Variants in MYO3B observed in about 807,000 individuals in gnomAD.
MYO3B encodes the protein myosin-IIIb.
A neutral mutation model predicts 174.6 loss-of-function variants in MYO3B; 156 were observed. That is an observed-to-expected ratio of 0.89 (90% CI 0.78 to 1.02). The LOEUF (loss-of-function observed/expected upper bound fraction) is 1.02, where lower values mean the gene tolerates loss of function less well. MYO3B is among the 50% of genes least tolerant of loss of function. The pLI, the probability that MYO3B is intolerant of heterozygous loss-of-function variation, is 0.00. For synonymous variants in MYO3B, 563 were observed against 569.1 expected (o/e 0.99, Z 0.15); for missense variants, 1,632 against 1,639.4 (o/e 1.00, Z 0.08).
intron 7 of MYO3B, among the ~76,000 whole-genome samples, chr2:170,255,213 G>C (rs1223329553): frequency 6.6e-6 from 1 of 152,188 alleles, no homozygotes; most frequent in African/African-American, 2.4e-5. Context: ...TGCTAAGACA[G>C]GTGGGAGTAG....
chr2:170,561,700 T>C (rs1008510759), intron 32 of MYO3B, among the ~76,000 whole-genome samples: 4 of 152,226 alleles, frequency 2.6e-5, no homozygotes, highest in African/African-American at 9.6e-5. Flanking sequence ...TCTTCCCATG[T>C]GGTAGTTCTT....
intron 32 of MYO3B, among the ~76,000 whole-genome samples, chr2:170,626,530 GC>G (rs1696449350): frequency 6.6e-6 from 1 of 152,130 alleles, no homozygotes; most frequent in Non-Finnish European, 1.5e-5. Context: ...GTCAATTGGA[GC>G]ATTTAGCCCA....
intron 7 of MYO3B, among the ~76,000 whole-genome samples, chr2:170,260,832 G>A (rs548757411): frequency 2.6e-5 from 4 of 152,236 alleles, no homozygotes; most frequent in Admixed American, 2.0e-4. Flanking sequence ...ACTCTAGTGG[G>A]TAATTATACT....
chr2:170,372,875 G>A (rs186286768), intron 9 of MYO3B, among the ~76,000 whole-genome samples: 26 of 152,272 alleles, frequency 1.7e-4, no homozygotes, highest in Middle Eastern at 3.4e-3. Flanking sequence ...TGAGCAAAGG[G>A]CAAGGCACAA....
chr2:170,490,319 C>T (rs1426026607), intron 25 of MYO3B, among the ~76,000 whole-genome samples: 1 of 152,178 alleles, frequency 6.6e-6, no homozygotes, highest in Non-Finnish European at 1.5e-5. Flanking sequence ...TGAGCCACCG[C>T]ACCCGGCCTC....
intron 7 of MYO3B, among the ~76,000 whole-genome samples, chr2:170,260,050 A>T (rs550818664): frequency 1.9e-4 from 29 of 152,214 alleles, no homozygotes; most frequent in Non-Finnish European, 4.0e-4. Flanking sequence ...AATGGCTATT[A>T]TTAAAAAGTC....
intron 7 of MYO3B, among the ~76,000 whole-genome samples, chr2:170,306,680 C>T (rs936517495): frequency 5.9e-5 from 9 of 151,996 alleles, no homozygotes; most frequent in Admixed American, 2.0e-4. Flanking sequence ...TGTCCATCCC[C>T]ACGTCAGACT....
chr2:170,298,623 G>A (rs376876881), intron 7 of MYO3B, among the ~76,000 whole-genome samples: 1 of 146,284 alleles, frequency 6.8e-6, no homozygotes, highest in African/African-American at 2.6e-5. Context: ...GCAGTGAGCC[G>A]AGATCACGCC....
At chr2:170,347,598 C>G (rs1197301404) in intron 8 of MYO3B, among the ~76,000 whole-genome samples, 1 of 151,296 alleles carries the variant, frequency 6.6e-6, no homozygotes, top group Non-Finnish European at 1.5e-5. Context: ...GAGACTGTCT[C>G]GAAAAAAAAT....
chr2:170,332,514 T>C (rs529820006), intron 7 of MYO3B, among the ~76,000 whole-genome samples: 1 of 152,308 alleles, frequency 6.6e-6, no homozygotes, highest in African/African-American at 2.4e-5. Flanking sequence ...ATATTGCCAG[T>C]CCAAACAAAG....
chr2:170,538,168 G>A (rs918034227), intron 30 of MYO3B, among the ~76,000 whole-genome samples: 1 of 152,124 alleles, frequency 6.6e-6, no homozygotes, highest in African/African-American at 2.4e-5. Context: ...CCAGTTACTA[G>A]GCAAGCTTGA....
chr2:170,275,436 T>C (rs80302956), intron 7 of MYO3B, among the ~76,000 whole-genome samples: 2,892 of 152,322 alleles, frequency 0.019, 109 homozygotes, highest in African/African-American at 0.066. Flanking sequence ...GAACTTGATC[T>C]AATGGAATTG....
chr2:170,181,247 A>G (rs529464341), intron 1 of MYO3B, among the ~76,000 whole-genome samples: 2 of 152,182 alleles, frequency 1.3e-5, no homozygotes, highest in South Asian at 4.1e-4. Context: ...TTTCCTTTCT[A>G]GTATGTAGAA....
At chr2:170,372,133 A>AAAC (rs1558934388) in intron 9 of MYO3B, among the ~76,000 whole-genome samples, 2 of 142,730 alleles carry the variant, frequency 1.4e-5, no homozygotes, top group African/African-American at 2.8e-5. Context: ...AAAAAAAAAA[A>AAAC]AAAAAAAAAA....
At chr2:170,442,003 A>T (rs2105908268) in intron 22 of MYO3B, among the ~76,000 whole-genome samples, 1 of 152,314 alleles carries the variant, frequency 6.6e-6, no homozygotes, top group Non-Finnish European at 1.5e-5. Flanking sequence ...GCCCCTATTC[A>T]AGATGAAGTT....
chr2:170,620,881 C>A (rs1371918228), intron 32 of MYO3B, among the ~76,000 whole-genome samples: 3 of 152,070 alleles, frequency 2.0e-5, no homozygotes, highest in African/African-American at 7.2e-5. Flanking sequence ...AGGGTGTTTG[C>A]CATACAAATT....
chr2:170,627,143 G>C (rs1333884359), intron 32 of MYO3B, among the ~76,000 whole-genome samples: 1 of 152,176 alleles, frequency 6.6e-6, no homozygotes. Context: ...ATCCTGAAGA[G>C]GGTTTTCCAG....
intron 30 of MYO3B, among the ~76,000 whole-genome samples, chr2:170,531,400 C>T (rs73975690): frequency 0.019 from 2,901 of 152,224 alleles, 96 homozygotes; most frequent in African/African-American, 0.064. Context: ...GTCCACTAGA[C>T]CTGCTACTAC....
intron 30 of MYO3B, among the ~76,000 whole-genome samples, chr2:170,525,875 C>T (rs1057352702): frequency 4.6e-5 from 7 of 152,054 alleles, no homozygotes; most frequent in Admixed American, 3.3e-4. Flanking sequence ...TGAGGGGTCA[C>T]GGCAGAAATA....
Sources: allele counts gnomAD v4.1 joint callset (sites outside exome capture counted in the v4.1 genomes callset), GRCh38; gene constraint gnomAD v4.1.1; transcripts MANE v1.5; gene names NCBI Gene and HGNC (gene_info 2026-07-23, HGNC 2026-07-21).